Variants in CYP2B6 observed in about 807,000 individuals in gnomAD.
The protein encoded by CYP2B6 is cytochrome P450 2B6.
Under a neutral mutation model 43.4 loss-of-function variants are expected in CYP2B6, and 35 were observed. That is an observed-to-expected ratio of 0.81 (90% CI 0.62 to 1.07). The LOEUF (loss-of-function observed/expected upper bound fraction) is 1.07, where lower values mean the gene tolerates loss of function less well. Among genes scored for constraint, CYP2B6 ranks in the 50% least tolerant of loss-of-function variants. CYP2B6 has a pLI of 0.00. For synonymous variants in CYP2B6, 239 were observed against 239.2 expected (o/e 1.00, Z 0.01); for missense variants, 624 against 632.8 (o/e 0.99, Z 0.15).
Position 40,991,383 on chromosome 19 carries a change from C to T in CYP2B6, c.78C>T (p.Thr26=), listed in dbSNP as rs139980085. Residue 26 remains threonine (T), a synonymous_variant, in exon 1 of 9, where the codon ACC becomes ACT. Coordinates refer to ENST00000324071, the MANE Select transcript of CYP2B6 (RefSeq NM_000767.5). ...LLLLVQRHPN[T]HDRLPPGPRP... is the part of the protein sequence containing the mutation. Reference sequence around the variant, plus strand: ...TCCTGGTTCAGCGCCACCCTAACACCCATGACCGCCTCCCACCAGGGCCCC... The same window carrying T: ...TCCTGGTTCAGCGCCACCCTAACACTCATGACCGCCTCCCACCAGGGCCCC... 8,643 of 1,614,096 alleles carry T rather than the reference C, an allele frequency of 5.4e-3. 29 individuals carry two copies. The highest frequency in any genetic ancestry group is 7.3e-3 in the Middle Eastern group (44 of 6,060).
intron 1 of CYP2B6, among the ~76,000 whole-genome samples, chr19:40,994,843 A>G (rs1385733183): frequency 6.6e-6 from 1 of 152,158 alleles, no homozygotes; most frequent in African/African-American, 2.4e-5. Flanking sequence ...TAACATAATC[A>G]CTACTAAATA....
chr19:41,011,640 A>C (rs1430825258), intron 6 of CYP2B6, among the ~76,000 whole-genome samples: 3 of 152,208 alleles, frequency 2.0e-5, no homozygotes, highest in African/African-American at 7.2e-5. Context: ...TAAACACAAT[A>C]AATATTAGTT....
chr19:41,009,979 C>T lies in CYP2B6; in HGVS notation c.823-15C>T, dbSNP rs28399498. The T allele has an allele frequency of 2.4e-4, 381 of 1,613,960 alleles. 2 individuals are homozygous for T. The highest frequency in any genetic ancestry group is 4.3e-5 in the Non-Finnish European group (51 of 1,180,024). On this transcript the variant is annotated splice_polypyrimidine_tract_variant and intron_variant, in intron 5 of 8. Coordinates refer to ENST00000324071, the MANE Select transcript of CYP2B6 (RefSeq NM_000767.5). ...CTCCCCTGACCCTCCCCTTCCTTCCCTACTGTGGACGCAGGAGAAATCCAA... is the reference window on the plus strand; with the variant it reads ...CTCCCCTGACCCTCCCCTTCCTTCCTTACTGTGGACGCAGGAGAAATCCAA...
intron 6 of CYP2B6, among the ~76,000 whole-genome samples, chr19:41,010,689 C>T (rs1360672982): frequency 6.6e-6 from 1 of 152,070 alleles, no homozygotes; most frequent in Admixed American, 6.5e-5. Flanking sequence ...AGTTTTGTTA[C>T]ATGCGTAGGT....
At chr19:41,005,490 A>G (rs1157508936) in intron 3 of CYP2B6, among the ~76,000 whole-genome samples, 1 of 135,468 alleles carries the variant, frequency 7.4e-6, no homozygotes, top group Non-Finnish European at 1.5e-5. Flanking sequence ...GACCAAAACA[A>G]AAAAATATAG....
In CYP2B6 at chr19:41,006,994, G is replaced by A; in HGVS notation, c.574G>A (p.Asp192Asn). Residue 192 changes from aspartate to asparagine, a missense_variant, in exon 4 of 9, where the codon GAT becomes AAT. By Grantham distance (23) the Asp-to-Asn change is conservative. Transcript: ENST00000324071. ...CTTTGGAAAACGATTCCACTACCAA[G>A]ATCAAGAGTTCCTGAAGATGCTGAA... is the stretch of plus-strand genomic sequence containing the variant. Reference protein sequence around the residue: ...IVFGKRFHYQDQEFLKMLNLF... With the variant: ...IVFGKRFHYQNQEFLKMLNLF... The A allele has an allele frequency of 1.9e-6, 3 of 1,614,012 alleles. No homozygotes were observed. The highest frequency in any genetic ancestry group is 2.5e-6 in the Non-Finnish European group (3 of 1,180,006).
At position 41,009,368 on chromosome 19, in the gene CYP2B6, C is replaced by T. The variant is rs189970623; in HGVS notation, c.795C>T (p.Ile265=). The change falls in exon 5 of 9, where the codon ATC becomes ATT. Residue 265 remains isoleucine, a synonymous_variant. Transcript: ENST00000324071. ...ACCCCAGCGCCCCCAAGGACCTCAT[C>T]GACACCTACCTGCTCCACATGGAAA... is the stretch of plus-strand genomic sequence containing the variant. ...TLDPSAPKDL[I]DTYLLHMEKE... 745 of 1,578,842 alleles carry T rather than the reference C, an allele frequency of 4.7e-4. 11 individuals are homozygous for T. Among genetic ancestry groups the T allele is most frequent in the Admixed American group, 6.1e-4 (36 of 58,826 alleles).
Position 41,017,714 on chromosome 19 carries a change from C to CA in CYP2B6, c.*887_*888insA, listed in dbSNP as rs1349495034. ...CTCCAAATGTTTTCATTATCTCTCCCCCAACAAAACCCATACCTATCAAGC... is the reference window on the plus strand; with the variant it reads ...CTCCAAATGTTTTCATTATCTCTCCCACCAACAAAACCCATACCTATCAAGC... On this transcript the variant is annotated 3_prime_UTR_variant, in exon 9 of 9. Transcript: ENST00000324071. 1.3e-3 allele frequency: 201 copies of CA among 152,184 alleles called. No homozygotes were observed. Among genetic ancestry groups the CA allele is most frequent in the African/African-American group, 4.7e-3 (194 of 41,500 alleles). The allele number at this position is 152,184 out of a possible 1,614,324, so 9.4% of individuals were successfully genotyped here.
chr19:41,002,211 T>C lies in CYP2B6; in HGVS notation c.172-1790T>C, dbSNP rs537080841. ...TAATTATTTTACATTTTAGTGGGGTTACCCTGGCTTGTGGGGCAGTGAAAC... is the reference window on the plus strand; with the variant it reads ...TAATTATTTTACATTTTAGTGGGGTCACCCTGGCTTGTGGGGCAGTGAAAC... On this transcript the variant is annotated intron_variant, in intron 1 of 8. Transcript: ENST00000324071. Among the ~76,000 whole-genome samples, 14 of 152,214 alleles carry C rather than the reference T, an allele frequency of 9.2e-5. No homozygotes were observed. In the South Asian group the frequency reaches 2.7e-3, roughly 29 times the overall value.
Position 41,004,118 on chromosome 19 carries a change from G to C in CYP2B6, c.289G>C (p.Gly97Arg). 6.2e-7 allele frequency: 1 copy of C among 1,613,282 alleles called. No homozygotes were observed. The change falls in exon 2 of 9, where the codon GGC (glycine) becomes CGC (arginine). Residue 97 changes from glycine (G) to arginine (R), a missense_variant. Physicochemically the swap from Gly to Arg is moderately radical, Grantham distance 125 (BLOSUM62 -2). Coordinates refer to ENST00000324071, the MANE Select transcript of CYP2B6 (RefSeq NM_000767.5). ...ALVDKAEAFSGRGKIAMVDPF... is the reference protein window; with the variant it reads ...ALVDKAEAFSRRGKIAMVDPF... The stretch of plus-strand genomic sequence containing the variant: ...TGTGGACAAGGCTGAGGCCTTCTCT[G>C]GCCGGGGAAAAATCGCCATGGTCGA...
At chr19:40,992,201 C>CAAAAAAAAAAAA (rs561830421) in intron 1 of CYP2B6, among the ~76,000 whole-genome samples, 7 of 62,570 alleles carry the variant, frequency 1.1e-4, no homozygotes, top group African/African-American at 3.8e-4. Context: ...GACTCCTTCT[C>CAAAAAAAAAAAA]AAAAAAAAAA....
intron 3 of CYP2B6, among the ~76,000 whole-genome samples, chr19:41,005,787 T>A (rs559711639): frequency 3.0e-4 from 45 of 150,490 alleles, no homozygotes; most frequent in Non-Finnish European, 5.0e-4. Context: ...TCTCCAAAAA[T>A]AATAATAATA....
At chr19:40,993,372 A>G (rs1208680144) in intron 1 of CYP2B6, among the ~76,000 whole-genome samples, 9 of 152,138 alleles carry the variant, frequency 5.9e-5, no homozygotes. Flanking sequence ...AGGAAAATAC[A>G]ATTCATGGCA....
At chr19:40,993,488 A>G (rs938810750) in intron 1 of CYP2B6, among the ~76,000 whole-genome samples, 1 of 152,004 alleles carries the variant, frequency 6.6e-6, no homozygotes, top group African/African-American at 2.4e-5. Flanking sequence ...CCAAGGGGGA[A>G]GAGCCTCTTA....
At chr19:41,011,721 T>A (rs1227033361) in intron 6 of CYP2B6, among the ~76,000 whole-genome samples, 3 of 152,092 alleles carry the variant, frequency 2.0e-5, no homozygotes, top group Admixed American at 6.5e-5. Context: ...TGAAATTCCA[T>A]GCAAAATCGT....
intron 1 of CYP2B6, among the ~76,000 whole-genome samples, chr19:40,996,183 T>A (rs897552037): frequency 6.6e-6 from 1 of 152,112 alleles, no homozygotes; most frequent in African/African-American, 2.4e-5. Context: ...AGGCTGTTAA[T>A]ATTCTCTTTT....
chr19:41,002,586 C>A (rs1197876227), intron 1 of CYP2B6, among the ~76,000 whole-genome samples: 1 of 152,036 alleles, frequency 6.6e-6, no homozygotes, highest in African/African-American at 2.4e-5. Context: ...TTTGCTCTGT[C>A]GCCCAGGCTG....
At position 41,017,718 on chromosome 19, in the gene CYP2B6, A is replaced by G. The variant is rs1246866268; in HGVS notation, c.*891A>G. 106 of 152,022 alleles carry G rather than the reference A, an allele frequency of 7.0e-4. No homozygotes were observed. Among genetic ancestry groups the G allele is most frequent in the African/African-American group, 2.4e-3 (100 of 41,436 alleles). 9.4% of individuals were successfully genotyped at this position (152,022 alleles called of 1,614,324 possible). Reference sequence around the variant, plus strand: ...AAATGTTTTCATTATCTCTCCCCCAACAAAACCCATACCTATCAAGCTGTC... The same window carrying G: ...AAATGTTTTCATTATCTCTCCCCCAGCAAAACCCATACCTATCAAGCTGTC... On this transcript the variant is annotated 3_prime_UTR_variant, in exon 9 of 9. Coordinates refer to ENST00000324071, the MANE Select transcript of CYP2B6 (RefSeq NM_000767.5).
chr19:40,993,040 C>T (rs1968945175), intron 1 of CYP2B6, among the ~76,000 whole-genome samples: 2 of 151,960 alleles, frequency 1.3e-5, no homozygotes, highest in East Asian at 1.9e-4. Context: ...TCGAATAATT[C>T]GAAGTTCAGA....
Sources: allele counts gnomAD v4.1 joint callset (sites outside exome capture counted in the v4.1 genomes callset), GRCh38; gene constraint gnomAD v4.1.1; transcripts MANE v1.5; gene names NCBI Gene and HGNC (gene_info 2026-07-23, HGNC 2026-07-21).